The following DOCK3 variants were observed in gnomAD, a reference collection of about 807,000 sequenced individuals.
The protein encoded by DOCK3 is dedicator of cytokinesis 3, also known as dedicator of cytokinesis protein 3.
In DOCK3, 60 loss-of-function variants were observed where a neutral mutation model predicts 265.6. That is an observed-to-expected ratio of 0.23 (90% CI 0.18 to 0.28). DOCK3 has a LOEUF of 0.28. Ranked by LOEUF, DOCK3 falls within the 10% of genes least tolerant of loss-of-function variation. DOCK3 has a pLI of 1.00. For missense variants in DOCK3, 1,981 were observed against 2,594.3 expected, an observed-to-expected ratio of 0.76 and a Z score of 5.14; for synonymous variants, 881 against 938.0, an observed-to-expected ratio of 0.94 and a Z score of 1.11.
At chr3:50,802,313 G>T (rs899343558) in intron 2 of DOCK3, among the ~76,000 whole-genome samples, 2 of 151,912 alleles carry the variant, frequency 1.3e-5, no homozygotes, top group South Asian at 2.1e-4. Flanking sequence ...CATTGATAAG[G>T]TTTTATTTGT....
intron 2 of DOCK3, among the ~76,000 whole-genome samples, chr3:50,803,644 C>A (rs990917573): frequency 7.2e-6 from 1 of 138,898 alleles, no homozygotes; most frequent in African/African-American, 2.6e-5. Flanking sequence ...TCCCAGACAG[C>A]GTGGCTGGGC....
rs1263473716 is a variant in DOCK3, at chr3:50,769,873, G to A, written c.38-8802G>A. 2.0e-5 allele frequency among the ~76,000 whole-genome samples: 3 copies of A among 151,786 alleles called. No individual in the cohort carries two copies. In the South Asian group the frequency reaches 6.2e-4, roughly 32 times the overall value. On this transcript the variant is annotated intron_variant, in intron 1 of 52. Transcript: ENST00000266037. ...ATTAGGCAAGAGAAAGAAATAAAGGGTGTCTAAATTGGGAAGGAGAAAGTC... is the reference window on the plus strand; with the variant it reads ...ATTAGGCAAGAGAAAGAAATAAAGGATGTCTAAATTGGGAAGGAGAAAGTC...
chr3:51,317,679 A>C (rs1203382062), intron 32 of DOCK3, among the ~76,000 whole-genome samples: 1 of 150,820 alleles, frequency 6.6e-6, no homozygotes, highest in Non-Finnish European at 1.5e-5. Context: ...TGCAAAAAAA[A>C]ATTAGGTGAG....
chr3:50,829,104 A>G (rs1043584797), intron 2 of DOCK3, among the ~76,000 whole-genome samples: 1 of 152,068 alleles, frequency 6.6e-6, no homozygotes, highest in Non-Finnish European at 1.5e-5. Flanking sequence ...ATTTAGATAC[A>G]TCTTTTAGTA....
At chr3:50,816,232 C>T (rs1302755901) in intron 2 of DOCK3, among the ~76,000 whole-genome samples, 1 of 150,944 alleles carries the variant, frequency 6.6e-6, no homozygotes, top group African/African-American at 2.4e-5. Context: ...AATACTCAGT[C>T]TGGAAACTAA....
chr3:50,806,431 T>C (rs2608994), intron 2 of DOCK3, among the ~76,000 whole-genome samples: 1 of 151,544 alleles, frequency 6.6e-6, no homozygotes, highest in African/African-American at 2.4e-5. Context: ...CATGTCTGTG[T>C]TGGGTGGGAA....
chr3:51,320,435 T>A (rs967981678), intron 32 of DOCK3, among the ~76,000 whole-genome samples: 2 of 151,878 alleles, frequency 1.3e-5, no homozygotes, highest in African/African-American at 4.8e-5. Flanking sequence ...TTTGTTTTTT[T>A]TTTTCATACC....
intron 3 of DOCK3, among the ~76,000 whole-genome samples, chr3:50,852,342 C>T (rs1285618421): frequency 6.6e-6 from 1 of 152,156 alleles, no homozygotes; most frequent in African/African-American, 2.4e-5. Context: ...AAATACTAGT[C>T]CTTCTTTCAA....
At chr3:51,202,227 G>A (rs2088834528) in intron 12 of DOCK3, among the ~76,000 whole-genome samples, 1 of 144,192 alleles carries the variant, frequency 6.9e-6, no homozygotes, top group Non-Finnish European at 1.5e-5. Flanking sequence ...ATGAATCCAG[G>A]AGCTGGTTTT....
chr3:50,934,255 T>G (rs568742794), intron 5 of DOCK3, among the ~76,000 whole-genome samples, 178 bp downstream of exon 5: 1 of 152,362 alleles, frequency 6.6e-6, no homozygotes, highest in South Asian at 2.1e-4. Flanking sequence ...GAGAACACAT[T>G]ATTATTCATA....
chr3:50,931,504 C>G (rs1428732728), intron 4 of DOCK3, among the ~76,000 whole-genome samples: 1 of 152,180 alleles, frequency 6.6e-6, no homozygotes, highest in African/African-American at 2.4e-5. Context: ...GAAATTTCAA[C>G]TTATAACCAG....
chr3:51,329,665 A>G (rs1307722437), intron 32 of DOCK3, among the ~76,000 whole-genome samples: 1 of 152,184 alleles, frequency 6.6e-6, no homozygotes, highest in Non-Finnish European at 1.5e-5. Context: ...CTCAAATCTC[A>G]TTTAGCTCCA....
At chr3:51,095,392 A>G (rs2082802769) in intron 9 of DOCK3, among the ~76,000 whole-genome samples, 1 of 152,140 alleles carries the variant, frequency 6.6e-6, no homozygotes, top group Admixed American at 6.6e-5. Flanking sequence ...TTGTCTGTAA[A>G]GGATTTTATT....
chr3:50,892,470 AC>A (rs1269203255), intron 4 of DOCK3, among the ~76,000 whole-genome samples: 1 of 152,052 alleles, frequency 6.6e-6, no homozygotes, highest in African/African-American at 2.4e-5. Flanking sequence ...GAGCAATTTC[AC>A]TCTTACCTTT....
At chr3:51,370,203 G>T (rs2087568639) in intron 49 of DOCK3, among the ~76,000 whole-genome samples, 1 of 152,228 alleles carries the variant, frequency 6.6e-6, no homozygotes, top group South Asian at 2.1e-4. Context: ...GGCATTTATA[G>T]TGTCTTCAGG....
intron 7 of DOCK3, among the ~76,000 whole-genome samples, chr3:51,088,582 C>G (rs890873837): frequency 6.6e-6 from 1 of 151,928 alleles, no homozygotes; most frequent in African/African-American, 2.4e-5. Flanking sequence ...AAATTGAAAA[C>G]CTAGGATTCT....
At chr3:50,905,001 C>A (rs1396512843) in intron 4 of DOCK3, among the ~76,000 whole-genome samples, 2 of 152,092 alleles carry the variant, frequency 1.3e-5, no homozygotes, top group African/African-American at 4.8e-5. Flanking sequence ...TTTCCCAGAA[C>A]CGTTTGTTAA....
At chr3:51,323,040 A>G (rs1317336576) in intron 32 of DOCK3, among the ~76,000 whole-genome samples, 2 of 152,200 alleles carry the variant, frequency 1.3e-5, no homozygotes, top group Non-Finnish European at 2.9e-5. Context: ...CAAAGACCAA[A>G]AGAGACAAAG....
chr3:51,040,893 G>T (rs1013536564), intron 5 of DOCK3, among the ~76,000 whole-genome samples: 1 of 151,496 alleles, frequency 6.6e-6, no homozygotes, highest in African/African-American at 2.4e-5. Flanking sequence ...CTGTCTTCAG[G>T]GTCCACTTCT....
Sources: allele counts gnomAD v4.1 joint callset (sites outside exome capture counted in the v4.1 genomes callset), GRCh38; gene constraint gnomAD v4.1.1; transcripts MANE v1.5; gene names NCBI Gene and HGNC (gene_info 2026-07-23, HGNC 2026-07-21).